LRTM3: variants seen among roughly 807,000 people sequenced by gnomAD.
LRTM3 encodes leucine-rich repeat transmembrane protein 3.
the LRTM3 span, among the ~76,000 whole-genome samples, chr13:102,751,149 G>A: frequency 2.6e-4 from 39 of 151,958 alleles, no homozygotes; most frequent in African/African-American, 9.4e-4. Context: ...TCCTAATGTG[G>A]GTGGGCATGA....
the LRTM3 span, chr13:102,745,388 C>G: frequency 6.4e-7 from 1 of 1,550,442 alleles, no homozygotes; most frequent in Non-Finnish European, 8.7e-7. Context: ...TTCTACCTTG[C>G]TATACTTGTT....
chr13:102,740,920 T>C, the LRTM3 span: 5 of 1,550,102 alleles, frequency 3.2e-6, no homozygotes, highest in Non-Finnish European at 3.5e-6. Flanking sequence ...GTGTACTTTC[T>C]TGTGGATGTT....
chr13:102,749,057 G>A, the LRTM3 span: 1 of 1,550,484 alleles, frequency 6.4e-7, no homozygotes, highest in South Asian at 1.2e-5. Context: ...AATAAGCTTG[G>A]AAACAGAAAT....
At chr13:102,739,754 G>A in the LRTM3 span, 98 of 1,548,914 alleles carry the variant, frequency 6.3e-5, no homozygotes, top group East Asian at 1.6e-3. Context: ...AACATTACTT[G>A]AGATCACCCC....
the LRTM3 span, chr13:102,729,799 G>A: frequency 6.4e-7 from 1 of 1,551,688 alleles, no homozygotes; most frequent in African/African-American, 1.4e-5. Flanking sequence ...TCCCTTTGCT[G>A]TGTGTACAAC....
At chr13:102,753,988 A>G in the LRTM3 span, among the ~76,000 whole-genome samples, 2 of 152,258 alleles carry the variant, frequency 1.3e-5, no homozygotes, top group East Asian at 3.9e-4. Flanking sequence ...AAGCAGGTGG[A>G]TCACTTGACA....
At chr13:102,731,573 T>C in the LRTM3 span, 1 of 1,551,488 alleles carries the variant, frequency 6.4e-7, no homozygotes, top group African/African-American at 1.4e-5. Flanking sequence ...GTCGTCAGGC[T>C]TATAGGCTTG....
the LRTM3 span, chr13:102,748,581 CAGGAG>C: frequency 1.3e-6 from 2 of 1,550,772 alleles, no homozygotes; most frequent in Non-Finnish European, 1.7e-6. Context: ...GATTCCATTT[CAGGAG>C]AGGAAACAAG....
the LRTM3 span, chr13:102,739,975 TCTC>T: frequency 1.3e-6 from 2 of 1,550,548 alleles, no homozygotes; most frequent in Non-Finnish European, 1.7e-6. Context: ...ATTTCGAAGT[TCTC>T]CTTTTGTGGC....
chr13:102,753,287 C>T, the LRTM3 span, among the ~76,000 whole-genome samples: 1 of 152,080 alleles, frequency 6.6e-6, no homozygotes, highest in East Asian at 1.9e-4. Context: ...CACATGGACA[C>T]AAGGAGGGGA....
At chr13:102,735,941 G>C in the LRTM3 span, 3 of 1,545,656 alleles carry the variant, frequency 1.9e-6, no homozygotes, top group African/African-American at 1.4e-5. Flanking sequence ...AATGTGCAAA[G>C]AGTAGTTCTT....
chr13:102,738,875 T>C, the LRTM3 span: 3 of 1,550,734 alleles, frequency 1.9e-6, no homozygotes, highest in Non-Finnish European at 2.6e-6. Context: ...TGAAGGCTGC[T>C]TCACCTCCAA....
chr13:102,730,372 A>G, the LRTM3 span: 1 of 1,550,932 alleles, frequency 6.4e-7, no homozygotes, highest in Non-Finnish European at 8.7e-7. Context: ...CTGGACTCTC[A>G]ATATCTGTCT....
At chr13:102,740,628 A>G in the LRTM3 span, 1 of 1,548,770 alleles carries the variant, frequency 6.5e-7, no homozygotes. Context: ...GAAGTTAAAT[A>G]GTCATAATGT....
At chr13:102,730,115 G>A in the LRTM3 span, 5 of 1,550,142 alleles carry the variant, frequency 3.2e-6, no homozygotes, top group South Asian at 5.9e-5. Flanking sequence ...GCTTTTGTGG[G>A]ACTTACAGGA....
the LRTM3 span, chr13:102,745,060 C>T: frequency 3.2e-6 from 5 of 1,550,772 alleles, no homozygotes; most frequent in East Asian, 2.4e-5. Context: ...ATTTCTTTGT[C>T]TCCTCTCTTT....
chr13:102,749,884 A>T, the LRTM3 span: 1 of 1,551,456 alleles, frequency 6.4e-7, no homozygotes, highest in African/African-American at 1.4e-5. Context: ...TTGAGCATTG[A>T]TAAGTAGTTC....
chr13:102,748,140 G>A, the LRTM3 span: 1 of 1,550,986 alleles, frequency 6.4e-7, no homozygotes. Flanking sequence ...TCTGTATCAG[G>A]TAGTTGAGAA....
the LRTM3 span, chr13:102,730,511 T>G: frequency 6.4e-7 from 1 of 1,551,572 alleles, no homozygotes; most frequent in Non-Finnish European, 8.7e-7. Context: ...ATATTGTTTG[T>G]TTTTTTCTGG....
Sources: gnomAD v4.1 joint callset for allele counts (sites outside exome capture counted in the v4.1 genomes callset) on GRCh38, gnomAD v4.1.1 for gene constraint, MANE v1.5 for transcripts, NCBI Gene and HGNC (gene_info 2026-07-23, HGNC 2026-07-21) for gene names.